The following FBXL17 variants were observed in gnomAD, a reference collection of about 807,000 sequenced individuals.
FBXL17 encodes F-box and leucine rich repeat protein 17, also known as F-box/LRR-repeat protein 17.
In FBXL17, 22 loss-of-function variants were observed where a neutral mutation model predicts 66.2. The ratio of observed to expected loss-of-function variants is 0.33; its 90% CI spans 0.24 to 0.47. FBXL17 has a LOEUF of 0.47. Ranked by LOEUF, FBXL17 falls within the 20% of genes least tolerant of loss-of-function variation. The pLI is 1.00. For missense variants in FBXL17, 878 were observed against 948.2 expected (o/e 0.93, Z 0.97); for synonymous variants, 474 against 400.5 (o/e 1.18, Z -2.19).
chr5:108,094,945 T>G (rs1056975369), intron 6 of FBXL17, among the ~76,000 whole-genome samples: 8 of 152,000 alleles, frequency 5.3e-5, no homozygotes, highest in Non-Finnish European at 2.9e-5. Flanking sequence ...CTATTTCTTA[T>G]GCATTTTATC....
At chr5:107,985,673 C>G (rs1218096526) in intron 7 of FBXL17, among the ~76,000 whole-genome samples, 1 of 152,152 alleles carries the variant, frequency 6.6e-6, no homozygotes, top group African/African-American at 2.4e-5. Flanking sequence ...CTATATACAT[C>G]TGAATGATCT....
chr5:108,310,871 G>A (rs938835526), intron 4 of FBXL17, among the ~76,000 whole-genome samples: 3 of 152,216 alleles, frequency 2.0e-5, no homozygotes, highest in South Asian at 2.1e-4. Flanking sequence ...GCCCAACACC[G>A]AAAGTCCACA....
intron 7 of FBXL17, among the ~76,000 whole-genome samples, chr5:107,970,251 C>T (rs367581650): frequency 1.4e-4 from 21 of 152,186 alleles, no homozygotes; most frequent in African/African-American, 4.1e-4. Context: ...TGTTACCAAA[C>T]GCAAGTTCAA....
At chr5:108,066,637 C>T (rs916959534) in intron 6 of FBXL17, among the ~76,000 whole-genome samples, 14 of 151,832 alleles carry the variant, frequency 9.2e-5, no homozygotes, top group African/African-American at 2.2e-4. Context: ...AACATTAAAA[C>T]GTTCTTTTCA....
At chr5:108,320,278 T>C (rs970180291) in intron 4 of FBXL17, among the ~76,000 whole-genome samples, 1 of 151,616 alleles carries the variant, frequency 6.6e-6, no homozygotes, top group Non-Finnish European at 1.5e-5. Context: ...GGTATAGCTA[T>C]AAAAAAATAA....
chr5:108,089,946 G>A (rs1006884927), intron 6 of FBXL17, among the ~76,000 whole-genome samples: 3 of 152,000 alleles, frequency 2.0e-5, no homozygotes, highest in Admixed American at 2.0e-4. Context: ...TCCCATCTCA[G>A]CCTCCCAAGG....
chr5:107,941,026 C>A (rs948427935), intron 7 of FBXL17, among the ~76,000 whole-genome samples: 5 of 151,780 alleles, frequency 3.3e-5, no homozygotes, highest in African/African-American at 1.2e-4. Context: ...ATCTGCCATA[C>A]AAACAGCAAA....
chr5:108,350,395 T>C (rs907037125), intron 3 of FBXL17, among the ~76,000 whole-genome samples: 2 of 152,188 alleles, frequency 1.3e-5, no homozygotes, highest in African/African-American at 2.4e-5. Context: ...GCTGAAAATA[T>C]GGGGATTTGT....
chr5:108,133,226 C>T (rs1031731284), intron 6 of FBXL17, among the ~76,000 whole-genome samples: 11 of 152,090 alleles, frequency 7.2e-5, no homozygotes, highest in Non-Finnish European at 1.6e-4. Context: ...CATAAACCAC[C>T]TCCTCTTTAT....
chr5:107,881,242 T>C (rs924888383), intron 7 of FBXL17, 63 bp from the exon 8 acceptor site: 4 of 945,402 alleles, frequency 4.2e-6, no homozygotes, highest in Non-Finnish European at 6.2e-6. Flanking sequence ...TATCTTATTA[T>C]GACTATTCAT....
chr5:108,241,442 C>T (rs1368733577), intron 4 of FBXL17, among the ~76,000 whole-genome samples: 1 of 150,950 alleles, frequency 6.6e-6, no homozygotes, highest in South Asian at 2.1e-4. Context: ...TTTGAAAATA[C>T]ATAGGGGAAA....
At position 108,263,367 on chromosome 5, in the gene FBXL17, GA is replaced by G. The variant is rs571733397; in HGVS notation, c.1507-39140del. Among the ~76,000 whole-genome samples, 1,089 of 151,998 alleles carry G rather than the reference GA, an allele frequency of 7.2e-3. 18 individuals are homozygous for G. The highest frequency in any genetic ancestry group is 0.025 in the African/African-American group (1,032 of 41,470). On this transcript the variant is annotated intron_variant, in intron 4 of 8. Coordinates refer to ENST00000542267, the MANE Select transcript of FBXL17 (RefSeq NM_001163315.3). ...TTAGATGATATAAATATCCACCTAG[GA>G]AAAAAACAATAAAATGTTTAAAACT...
intron 4 of FBXL17, among the ~76,000 whole-genome samples, chr5:108,290,813 T>C (rs1758079998): frequency 6.6e-6 from 1 of 152,338 alleles, no homozygotes; most frequent in South Asian, 2.1e-4. Context: ...AAATAATGTT[T>C]GAATTACATC....
intron 6 of FBXL17, among the ~76,000 whole-genome samples, chr5:108,185,584 C>T (rs1172242108): frequency 6.6e-6 from 1 of 151,908 alleles, no homozygotes; most frequent in East Asian, 1.9e-4. Flanking sequence ...CTAATATAGG[C>T]GCAGTGGTGT....
chr5:108,007,973 G>A (rs147784692), intron 7 of FBXL17, among the ~76,000 whole-genome samples: 1 of 152,228 alleles, frequency 6.6e-6, no homozygotes, highest in Admixed American at 6.5e-5. Context: ...ATATTCATGC[G>A]CATTCCCTGA....
intron 6 of FBXL17, among the ~76,000 whole-genome samples, chr5:108,106,675 T>C (rs933825659): frequency 6.6e-6 from 1 of 152,216 alleles, no homozygotes; most frequent in African/African-American, 2.4e-5. Flanking sequence ...GTATTCCACT[T>C]ATATGAAATG....
At chr5:108,353,608 T>C (rs1747781423) in intron 3 of FBXL17, among the ~76,000 whole-genome samples, 1 of 152,236 alleles carries the variant, frequency 6.6e-6, no homozygotes, top group Non-Finnish European at 1.5e-5. Flanking sequence ...GGAACTGTTT[T>C]ACCAGAGCCT....
intron 5 of FBXL17, among the ~76,000 whole-genome samples, chr5:108,217,658 CTATGTACTA>C (rs141312355): frequency 0.043 from 6,597 of 152,112 alleles, 764 homozygotes; most frequent in East Asian, 0.4. Context: ...ACTATATGTA[CTATGTACTA>C]TATGTACTAC....
At chr5:108,186,387 T>G in intron 5 of FBXL17, 140 bp from the exon 6 acceptor site, 4 of 627,764 alleles carry the variant, frequency 6.4e-6, no homozygotes, top group Non-Finnish European at 1.1e-5. Context: ...TAATTAAAGA[T>G]ATTGTATATG....
Sources: allele counts gnomAD v4.1 joint callset (sites outside exome capture counted in the v4.1 genomes callset), GRCh38; gene constraint gnomAD v4.1.1; transcripts MANE v1.5; gene names NCBI Gene and HGNC (gene_info 2026-07-23, HGNC 2026-07-21).